The following PDS5A variants were observed in gnomAD, a reference collection of about 807,000 sequenced individuals.
PDS5A encodes the protein PDS5 cohesin associated factor A, also known as sister chromatid cohesion protein PDS5 homolog A.
In PDS5A, 42 loss-of-function variants were observed where a neutral mutation model predicts 167.1. That is an observed-to-expected ratio of 0.25 (90% CI 0.20 to 0.33). PDS5A has a LOEUF of 0.33. Among genes scored for constraint, PDS5A ranks in the 10% least tolerant of loss-of-function variants. PDS5A has a pLI of 1.00. For synonymous variants in PDS5A, 553 were observed against 554.6 expected (o/e 1.00, Z 0.04); for missense variants, 1,033 against 1,605.9 (o/e 0.64, Z 6.10).
chr4:39,842,674 G>T (rs1717132498), intron 30 of PDS5A, among the ~76,000 whole-genome samples: 2 of 151,370 alleles, frequency 1.3e-5, no homozygotes, highest in Non-Finnish European at 2.9e-5. Flanking sequence ...TGATGTGACG[G>T]ATATCCTAAT....
intron 3 of PDS5A, among the ~76,000 whole-genome samples, chr4:39,927,383 T>A (rs911392265): frequency 6.6e-6 from 1 of 152,212 alleles, no homozygotes; most frequent in East Asian, 1.9e-4. Flanking sequence ...TCTTTAGAAA[T>A]TTTAACTCAC....
At chr4:39,896,824 T>A (rs1722457067) in intron 16 of PDS5A, among the ~76,000 whole-genome samples, 1 of 150,334 alleles carries the variant, frequency 6.7e-6, no homozygotes, top group Non-Finnish European at 1.5e-5. Context: ...TACAACCACA[T>A]ACAATAGCCT....
At chr4:39,905,324 G>A (rs1246407796) in intron 11 of PDS5A, among the ~76,000 whole-genome samples, 4 of 152,074 alleles carry the variant, frequency 2.6e-5, no homozygotes, top group South Asian at 2.1e-4. Context: ...TTGGGAGGCC[G>A]AGGCAGGTGG....
chr4:39,927,915 C>T (rs1383896910), intron 3 of PDS5A, 46 bp downstream of exon 3: 1 of 1,289,972 alleles, frequency 7.8e-7, no homozygotes, highest in South Asian at 1.2e-5. Flanking sequence ...ACCTTCTGAA[C>T]AGTGGTGAAT....
rs1459401197 is a variant in PDS5A at position 39,910,196 on chromosome 4, T to C, written c.1087+48A>G. 4 of 941,486 alleles carry C rather than the reference T, an allele frequency of 4.2e-6. No individual in the cohort carries two copies. The Admixed American group carries it at 8.0e-5, about 19-fold the overall frequency. The allele number at this position is 941,486 out of a possible 1,614,324, so 58.3% of individuals were successfully genotyped here. A position where few individuals can be genotyped will look rare whatever the true frequency, so the allele number is the denominator to read the frequency against. ...GTTAGGTCACAAGTCATATCTACAA[T>C]ATAGTTGTATGGTTATGCTAATATG... is the stretch of plus-strand genomic sequence containing the variant. On this transcript the variant is annotated intron_variant, in intron 10 of 32. Transcript: ENST00000303538.
chr4:39,921,948 A>C (rs1725017660), intron 6 of PDS5A, among the ~76,000 whole-genome samples: 1 of 152,228 alleles, frequency 6.6e-6, no homozygotes. Context: ...TCTTTCTGTG[A>C]ATGAGTATAA....
At chr4:39,888,241 CAAAAAAAAAA>C (rs34845975) in intron 17 of PDS5A, among the ~76,000 whole-genome samples, 4 of 56,268 alleles carry the variant, frequency 7.1e-5, no homozygotes, top group East Asian at 4.6e-4. Flanking sequence ...AAGACTCCGG[CAAAAAAAAAA>C]AAAAAAAAAA....
intron 2 of PDS5A, among the ~76,000 whole-genome samples, chr4:39,975,515 G>A (rs950770829): frequency 2.0e-5 from 3 of 152,134 alleles, no homozygotes; most frequent in African/African-American, 7.2e-5. Context: ...TTCTAACTCT[G>A]AAAAGTTGTT....
At chr4:39,904,575 G>A (rs1410495316) in intron 11 of PDS5A, among the ~76,000 whole-genome samples, 5 of 152,096 alleles carry the variant, frequency 3.3e-5, no homozygotes, top group Non-Finnish European at 5.9e-5. Flanking sequence ...CTCATGATCC[G>A]CCCGCCTCGG....
intron 2 of PDS5A, among the ~76,000 whole-genome samples, chr4:39,963,440 A>T (rs1176811989): frequency 6.6e-6 from 1 of 151,926 alleles, no homozygotes; most frequent in Non-Finnish European, 1.5e-5. Context: ...GCCTGGGCAA[A>T]AATAGCCAGA....
At chr4:39,947,676 T>TG (rs1397631541) in intron 2 of PDS5A, among the ~76,000 whole-genome samples, 6 of 152,200 alleles carry the variant, frequency 3.9e-5, no homozygotes, top group African/African-American at 1.4e-4. Context: ...GAATGTGTGT[T>TG]GGGCCACATT....
chr4:39,970,408 C>T (rs1043626792), intron 2 of PDS5A, among the ~76,000 whole-genome samples: 9 of 150,380 alleles, frequency 6.0e-5, no homozygotes, highest in African/African-American at 2.2e-4. Flanking sequence ...GTCAACGAAG[C>T]TTCAAAGCTT....
intron 2 of PDS5A, among the ~76,000 whole-genome samples, chr4:39,972,687 T>C (rs1296875462): frequency 6.6e-6 from 1 of 151,502 alleles, no homozygotes; most frequent in African/African-American, 2.4e-5. Flanking sequence ...TTTTTTTTTT[T>C]CACTGTTTAA....
At chr4:39,834,178 T>C (rs1716176375) in intron 32 of PDS5A, among the ~76,000 whole-genome samples, 1 of 141,558 alleles carries the variant, frequency 7.1e-6, no homozygotes, top group African/African-American at 2.5e-5. Context: ...GAGCCAGATA[T>C]TGTCTCAAAA....
chr4:39,963,560 G>A (rs1237259742), intron 2 of PDS5A, among the ~76,000 whole-genome samples: 5 of 151,738 alleles, frequency 3.3e-5, no homozygotes, highest in East Asian at 1.9e-4. Context: ...GGAAATAAAC[G>A]GTTGACTGGG....
rs35361618 is a variant in PDS5A, at chr4:39,943,123, T to TACACAC, written c.139-14965_139-14960dup. 6.6e-4 allele frequency among the ~76,000 whole-genome samples: 95 copies of TACACAC among 144,930 alleles called. 1 individual carries two copies. Among genetic ancestry groups the TACACAC allele is most frequent in the Middle Eastern group, 7.0e-3 (2 of 286 alleles). On this transcript the variant is annotated intron_variant, in intron 2 of 32. Transcript: ENST00000303538. Reference sequence around the variant, plus strand: ...TTGCATTTGGCAAAAACTATGCAAATACACACACACACACACACACACACA... The same window carrying TACACAC: ...TTGCATTTGGCAAAAACTATGCAAATACACACACACACACACACACACACACACACA...
At chr4:39,933,557 T>C in intron 2 of PDS5A, 1 of 152,156 alleles carries the variant, frequency 6.6e-6, no homozygotes, top group East Asian at 1.9e-4. Context: ...GAACCGCTGA[T>C]GCAGACTTCC....
chr4:39,894,047 T>C (rs915481521), intron 16 of PDS5A, among the ~76,000 whole-genome samples: 1 of 152,210 alleles, frequency 6.6e-6, no homozygotes, highest in African/African-American at 2.4e-5. Context: ...ACTCTGGAAC[T>C]AGAATTCTAA....
intron 31 of PDS5A, among the ~76,000 whole-genome samples, chr4:39,839,499 G>T (rs866179797): frequency 1.4e-4 from 21 of 152,018 alleles, no homozygotes; most frequent in Admixed American, 7.2e-4. Flanking sequence ...AACCCAGGAG[G>T]CGGAGGTTGC....
Sources: allele counts gnomAD v4.1 joint callset (sites outside exome capture counted in the v4.1 genomes callset), GRCh38; gene constraint gnomAD v4.1.1; transcripts MANE v1.5; gene names NCBI Gene and HGNC (gene_info 2026-07-23, HGNC 2026-07-21).